The following PRKCA variants were observed in gnomAD, a reference collection of about 807,000 sequenced individuals.
PRKCA encodes protein kinase C alpha, also known as protein kinase C alpha type.
Under a neutral mutation model 87.0 loss-of-function variants are expected in PRKCA, and 27 were observed. The ratio of observed to expected loss-of-function variants is 0.31; its 90% CI spans 0.23 to 0.43. The LOEUF is 0.43. Among genes scored for constraint, PRKCA ranks in the 20% least tolerant of loss-of-function variants. The pLI, the probability that PRKCA is intolerant of heterozygous loss-of-function variation, is 1.00. For synonymous variants in PRKCA, 329 were observed against 311.1 expected (o/e 1.06, Z -0.61); for missense variants, 518 against 852.3 (o/e 0.61, Z 4.88).
chr17:66,678,877 C>G (rs1407419187), intron 5 of PRKCA, among the ~76,000 whole-genome samples: 7 of 152,128 alleles, frequency 4.6e-5, no homozygotes, highest in African/African-American at 1.7e-4. Flanking sequence ...ATTTTCACAC[C>G]CACTGCAATC....
At chr17:66,373,337 T>C (rs1456303050) in intron 2 of PRKCA, among the ~76,000 whole-genome samples, 1 of 152,194 alleles carries the variant, frequency 6.6e-6, no homozygotes, top group Non-Finnish European at 1.5e-5. Context: ...TACTATTATC[T>C]GTATTTTCTG....
intron 2 of PRKCA, among the ~76,000 whole-genome samples, chr17:66,400,393 C>G (rs946855964): frequency 6.6e-6 from 1 of 152,182 alleles, no homozygotes; most frequent in Non-Finnish European, 1.5e-5. Context: ...CTCAAGTGAT[C>G]CCCCCGCCTT....
intron 3 of PRKCA, among the ~76,000 whole-genome samples, chr17:66,501,426 T>C (rs929908892): frequency 2.6e-5 from 4 of 152,172 alleles, no homozygotes; most frequent in Admixed American, 6.5e-5. Flanking sequence ...TCCTAGACTT[T>C]AAGTCCGTCC....
At chr17:66,587,813 A>G (rs542657219) in intron 3 of PRKCA, among the ~76,000 whole-genome samples, 1 of 125,138 alleles carries the variant, frequency 8.0e-6, no homozygotes, top group Non-Finnish European at 1.8e-5. Flanking sequence ...ATGTGTGTGT[A>G]TATGTATACA....
rs1391523129 is a variant in PRKCA at position 66,803,842 on chromosome 17, A to T, written c.1855-31A>T. The T allele has an allele frequency of 1.2e-6, 2 of 1,609,316 alleles. No individual in the cohort carries two copies. Among genetic ancestry groups the T allele is most frequent in the South Asian group, 2.2e-5 (2 of 90,808 alleles). ...TGCTCCCGCATTGTCATGTTGACTG[A>T]CCTTTCCTTCTTTTTGTCTTTTCTC... On this transcript the variant is annotated intron_variant, in intron 16 of 16. Coordinates refer to ENST00000413366, the MANE Select transcript of PRKCA (RefSeq NM_002737.3). The surrounding 1 kb of genome is among the most constrained non-coding windows in gnomAD (Gnocchi z 4.4).
At chr17:66,522,807 A>G (rs1372951675) in intron 3 of PRKCA, among the ~76,000 whole-genome samples, 2 of 149,360 alleles carry the variant, frequency 1.3e-5, no homozygotes, top group African/African-American at 4.9e-5. Context: ...TGGGTCGCTC[A>G]CTAAAAAAAA....
intron 2 of PRKCA, among the ~76,000 whole-genome samples, chr17:66,447,430 C>G (rs748574373): frequency 2.6e-5 from 4 of 152,112 alleles, no homozygotes; most frequent in Non-Finnish European, 4.4e-5. Flanking sequence ...TCCTCACTCC[C>G]AAAGGCACGG....
At chr17:66,571,975 A>G (rs1024025988) in intron 3 of PRKCA, among the ~76,000 whole-genome samples, 2 of 152,182 alleles carry the variant, frequency 1.3e-5, no homozygotes, top group African/African-American at 2.4e-5. Flanking sequence ...CACTCCGTAT[A>G]ATTCCGTCTG....
intron 2 of PRKCA, among the ~76,000 whole-genome samples, chr17:66,406,585 G>GTTTTTTTTTTTGT (rs1911401511): frequency 2.8e-5 from 2 of 70,178 alleles, no homozygotes; most frequent in Admixed American, 2.5e-4. Flanking sequence ...GCTTTTCCAG[G>GTTTTTTTTTTTGT]TTTTTTTTTT....
chr17:66,695,393 A>G (rs1567981149), intron 8 of PRKCA, among the ~76,000 whole-genome samples: 1 of 152,212 alleles, frequency 6.6e-6, no homozygotes, highest in Non-Finnish European at 1.5e-5. Context: ...TTGCATTTTG[A>G]TGGCTTTTAG....
At chr17:66,797,601 G>A (rs1975698906) in intron 16 of PRKCA, among the ~76,000 whole-genome samples, 1 of 152,182 alleles carries the variant, frequency 6.6e-6, no homozygotes, top group African/African-American at 2.4e-5. Context: ...GCCTGGGAAG[G>A]TGGATGGTCA....
At chr17:66,756,135 G>A (rs967839311) in intron 13 of PRKCA, among the ~76,000 whole-genome samples, 2 of 152,170 alleles carry the variant, frequency 1.3e-5, no homozygotes, top group Admixed American at 6.5e-5. Context: ...GTGAATGCTG[G>A]AGAAAAATCG....
chr17:66,460,150 A>C (rs1431742905), intron 2 of PRKCA, among the ~76,000 whole-genome samples: 7 of 152,154 alleles, frequency 4.6e-5, no homozygotes, highest in Admixed American at 1.3e-4. Context: ...GGCATTTGTA[A>C]CTTCAATTAT....
intron 2 of PRKCA, among the ~76,000 whole-genome samples, chr17:66,481,478 A>G (rs546449306): frequency 6.6e-6 from 1 of 152,000 alleles, no homozygotes; most frequent in Non-Finnish European, 1.5e-5. Flanking sequence ...GAGTGACACG[A>G]TTGAATACTT....
intron 3 of PRKCA, among the ~76,000 whole-genome samples, chr17:66,624,169 G>A (rs971429744): frequency 2.6e-5 from 4 of 152,092 alleles, no homozygotes; most frequent in African/African-American, 9.7e-5. Flanking sequence ...GAATCCTGAA[G>A]AGTTAATCTG....
intron 8 of PRKCA, among the ~76,000 whole-genome samples, chr17:66,715,017 C>A (rs989936773): frequency 1.9e-4 from 29 of 152,130 alleles, no homozygotes; most frequent in Admixed American, 1.9e-3. Flanking sequence ...TAATGACAGT[C>A]GGCCCTGCTT....
intron 13 of PRKCA, among the ~76,000 whole-genome samples, chr17:66,745,418 C>G (rs1974256083): frequency 6.6e-6 from 1 of 152,080 alleles, no homozygotes; most frequent in African/African-American, 2.4e-5. Context: ...CAGTGGCTCA[C>G]TCCTACAATC....
At chr17:66,634,089 G>A (rs1354721250) in intron 3 of PRKCA, among the ~76,000 whole-genome samples, 1 of 152,180 alleles carries the variant, frequency 6.6e-6, no homozygotes, top group Non-Finnish European at 1.5e-5. Context: ...GAAAATCTTG[G>A]TAGAAATGTT....
At chr17:66,545,849 T>G (rs1598756563) in intron 3 of PRKCA, among the ~76,000 whole-genome samples, 1 of 152,350 alleles carries the variant, frequency 6.6e-6, no homozygotes, top group African/African-American at 2.4e-5. Flanking sequence ...GGAAAGTCAT[T>G]TACCATATTC....
Sources: gnomAD v4.1 joint callset for allele counts (sites outside exome capture counted in the v4.1 genomes callset) on GRCh38, gnomAD v4.1.1 for gene constraint, Gnocchi (gnomAD v3.1) non-coding constraint, MANE v1.5 for transcripts, NCBI Gene and HGNC (gene_info 2026-07-23, HGNC 2026-07-21) for gene names.